Variants in PLBD2 observed in about 807,000 individuals in gnomAD.
PLBD2 encodes phospholipase B domain containing 2.
A neutral mutation model predicts 68.3 loss-of-function variants in PLBD2; 51 were observed. That is an observed-to-expected ratio of 0.75 (90% CI 0.60 to 0.94). The LOEUF (loss-of-function observed/expected upper bound fraction) is 0.94, where lower values mean the gene tolerates loss of function less well. Ranked by LOEUF, PLBD2 falls within the 40% of genes least tolerant of loss-of-function variation. The pLI is 0.00. For missense variants in PLBD2, 729 were observed against 792.2 expected (o/e 0.92, Z 0.96); for synonymous variants, 314 against 339.3 (o/e 0.93, Z 0.82).
Position 113,387,831 on chromosome 12 carries a change from C to T in PLBD2, c.1527C>T (p.Ser509=), listed in dbSNP as rs375994670. ...GGGAGAATGCTATCTCCGCCCGCTC[C>T]GACCTCAACCCGGCCAATGGCTCCT... is the stretch of plus-strand genomic sequence containing the variant. ...PNGENAISAR[S]DLNPANGSYP... The change falls in exon 11 of 12, where the codon TCC becomes TCT. Residue 509 remains serine (S), a synonymous_variant. Transcript: ENST00000280800. The T allele has an allele frequency of 1.4e-5, 23 of 1,614,096 alleles. No homozygotes were observed. The highest frequency in any genetic ancestry group is 1.6e-4 in the Middle Eastern group (1 of 6,084).
At chr12:113,388,345 A>T in intron 11 of PLBD2, 114 bp from the exon 12 acceptor site, 1 of 1,123,070 alleles carries the variant, frequency 8.9e-7, no homozygotes, top group Non-Finnish European at 1.2e-6. Flanking sequence ...TCAAAAAAAA[A>T]AAAAGTGACA....
In PLBD2 at chr12:113,374,879, G is replaced by A. The variant is rs1035857446; in HGVS notation, c.731G>A (p.Cys244Tyr). The A allele has an allele frequency of 3.1e-6, 5 of 1,613,902 alleles. No homozygotes were observed. The African/African-American group carries it at 4.0e-5, about 13-fold the overall frequency. The change falls in exon 5 of 12, where the codon TGT becomes TAT. Residue 244 changes from cysteine to tyrosine, a missense_variant. Physicochemically the swap from Cys to Tyr is radical, Grantham distance 194. Transcript: ENST00000280800. ...AAACCTTCTCTGGGCTCTGGCTCCTGTTCTGCCCTCATCAAGCTGCTCCCT... is the reference window on the plus strand; with the variant it reads ...AAACCTTCTCTGGGCTCTGGCTCCTATTCTGCCCTCATCAAGCTGCTCCCT... ...KIKPSLGSGSCSALIKLLPGQ... is the reference protein window; with the variant it reads ...KIKPSLGSGSYSALIKLLPGQ...
chr12:113,382,835 T>TTTTGTGTGTGTGTGTGTGTG (rs1335785271), intron 6 of PLBD2, among the ~76,000 whole-genome samples: 5 of 106,610 alleles, frequency 4.7e-5, no homozygotes, highest in African/African-American at 1.5e-4. Context: ...TGGTGGTTTT[T>TTTTGTGTGTGTGTGTGTGTG]TGTGTGTGTG....
In PLBD2 at chr12:113,372,581, T is replaced by TG. The variant is rs1957398392; in HGVS notation, c.385-62dup. The stretch of plus-strand genomic sequence containing the variant: ...AGCCTCCGCTCTGGGGCAGCCTGGG[T>TG]GGGGGGCTCTCAGGGAAGAGAGCAC... On this transcript the variant is annotated intron_variant, in intron 2 of 11. Transcript: ENST00000280800. This position sits in a 1 kb window ranked among gnomAD's most constrained non-coding sequence, Gnocchi z 4.2. 4 of 1,540,788 alleles carry TG rather than the reference T, an allele frequency of 2.6e-6. No homozygotes were observed. Among genetic ancestry groups the TG allele is most frequent in the South Asian group, 2.4e-5 (2 of 84,630 alleles).
chr12:113,369,006 C>T (rs1957364679), intron 1 of PLBD2, 110 bp from the exon 2 acceptor site: 4 of 647,566 alleles, frequency 6.2e-6, no homozygotes, highest in South Asian at 2.1e-5. Flanking sequence ...CAGACATTCA[C>T]GTGCACGTCT....
rs1350695200 is a variant in PLBD2 at position 113,390,902 on chromosome 12, CGTCCATCCACCT to C, written c.*2277_*2288del. On this transcript the variant is annotated 3_prime_UTR_variant, in exon 12 of 12. Transcript: ENST00000280800. ...CCATTCATCCATCCACCCACCCACC[CGTCCATCCACCT>C]ACCTATTCATTTATCACCCATCCAT... The C allele has an allele frequency of 1.3e-5, 2 of 152,160 alleles. No homozygotes were observed. Among genetic ancestry groups the C allele is most frequent in the African/African-American group, 4.8e-5 (2 of 41,444 alleles). The allele number at this position is 152,160 out of a possible 1,614,324, so 9.4% of individuals were successfully genotyped here.
chr12:113,388,777 G>C lies in PLBD2; in HGVS notation c.*151G>C. On this transcript the variant is annotated 3_prime_UTR_variant, in exon 12 of 12. Transcript: ENST00000280800. ...GTCATCTCCTCCTAGAGTGGGTCACGAACCTGATGGGGCTCAGAACTGACC... is the reference window on the plus strand; with the variant it reads ...GTCATCTCCTCCTAGAGTGGGTCACCAACCTGATGGGGCTCAGAACTGACC... 2.4e-6 allele frequency: 2 copies of C among 818,102 alleles called. No homozygotes were observed. 50.7% of individuals were successfully genotyped at this position (818,102 alleles called of 1,614,324 possible). A position where few individuals can be genotyped will look rare whatever the true frequency, so the allele number is the denominator to read the frequency against.
At position 113,384,015 on chromosome 12, in the gene PLBD2, A is replaced by C; in HGVS notation, c.958-90A>C. Reference sequence around the variant, plus strand: ...CTATCTCAAAAAAAAAAAAAAAAAAAAAAAATTTTTGGAGCCATGACTGAT... The same window carrying C: ...CTATCTCAAAAAAAAAAAAAAAAAACAAAAATTTTTGGAGCCATGACTGAT... On this transcript the variant is annotated intron_variant, in intron 6 of 11. Coordinates refer to ENST00000280800, the MANE Select transcript of PLBD2 (RefSeq NM_173542.4). The surrounding 1 kb of genome is among the most constrained non-coding windows in gnomAD (Gnocchi z 4.2). 8.5e-7 allele frequency: 1 copy of C among 1,182,056 alleles called. No individual in the cohort carries two copies. The highest frequency in any genetic ancestry group is 2.4e-5 in the South Asian group (1 of 40,854). The allele number at this position is 1,182,056 out of a possible 1,614,324, so 73.2% of individuals were successfully genotyped here.
chr12:113,358,868 A>C lies in PLBD2; in HGVS notation c.268A>C (p.Thr90Pro). The change falls in exon 1 of 12, where the codon ACC becomes CCC. Residue 90 changes from threonine to proline, a missense_variant. By Grantham distance (38) the Thr-to-Pro change is conservative (BLOSUM62 -1). Transcript: ENST00000280800. ...TGACGCCGTGGCCTGGGCCAACCTC[A>C]CCAACGCCATCCGCGAGACTGGGTA... The part of the protein sequence containing the change: ...HPDAVAWANL[T>P]NAIRETGWAF... 6.6e-7 allele frequency: 1 copy of C among 1,525,736 alleles called. No individual in the cohort carries two copies. Among genetic ancestry groups the C allele is most frequent in the African/African-American group, 1.4e-5 (1 of 69,840 alleles). The allele number at this position is 1,525,736 out of a possible 1,614,324, so 94.5% of individuals were successfully genotyped here.
At chr12:113,363,735 C>T (rs1481896320) in intron 1 of PLBD2, among the ~76,000 whole-genome samples, 2 of 152,032 alleles carry the variant, frequency 1.3e-5, no homozygotes, top group African/African-American at 4.8e-5. Context: ...GACGGGGTTT[C>T]ACCATGTTAG....
intron 3 of PLBD2, among the ~76,000 whole-genome samples, chr12:113,373,977 C>T (rs886257212): frequency 6.6e-6 from 1 of 151,768 alleles, no homozygotes; most frequent in Non-Finnish European, 1.5e-5. Context: ...AACAACCCAC[C>T]CATCCATCTT....
At position 113,372,699 on chromosome 12, in the gene PLBD2, C is replaced by T. The variant is rs759430837; in HGVS notation, c.435C>T (p.Phe145=). The T allele has an allele frequency of 2.2e-5, 35 of 1,613,880 alleles. No individual in the cohort carries two copies. Among genetic ancestry groups the T allele is most frequent in the African/African-American group, 2.7e-5 (2 of 74,942 alleles). Residue 145 remains phenylalanine (F), a synonymous_variant, in exon 3 of 12, where the codon TTC becomes TTT. Coordinates refer to ENST00000280800, the MANE Select transcript of PLBD2 (RefSeq NM_173542.4). The surrounding 1 kb of genome is among the most constrained non-coding windows in gnomAD (Gnocchi z 4.2). The part of the protein sequence containing the change: ...MNTVVNYCGP[F]EYEVGYCERL... ...CGGTGGTGAATTACTGCGGCCCCTT[C>T]GAGTATGAAGTCGGCTACTGCGAGA...
Position 113,377,587 on chromosome 12 carries a change from A to G in PLBD2, c.859+2580A>G, listed in dbSNP as rs185795676. ...ATTACAGGCACACACCACCACACCC[A>G]GCTAATTTTTGTATTTTCCGTAGAA... On this transcript the variant is annotated intron_variant, in intron 5 of 11. Transcript: ENST00000280800. 9.3e-3 allele frequency among the ~76,000 whole-genome samples: 1,410 copies of G among 152,178 alleles called. 9 individuals are homozygous for G. The highest frequency in any genetic ancestry group is 0.018 in the South Asian group (88 of 4,822).
Position 113,391,330 on chromosome 12 carries a change from T to A in PLBD2, c.*2704T>A, listed in dbSNP as rs1232311229. On this transcript the variant is annotated 3_prime_UTR_variant, in exon 12 of 12. Coordinates refer to ENST00000280800, the MANE Select transcript of PLBD2 (RefSeq NM_173542.4). ...TCCTCTCTGAGCCTCGATTACCTCATCTGTGAAATGGGGTAATGGTGTGAG... is the reference window on the plus strand; with the variant it reads ...TCCTCTCTGAGCCTCGATTACCTCAACTGTGAAATGGGGTAATGGTGTGAG... The A allele has an allele frequency of 6.6e-6, 1 of 152,220 alleles. No individual in the cohort carries two copies. Among genetic ancestry groups the A allele is most frequent in the African/African-American group, 2.4e-5 (1 of 41,462 alleles). 9.4% of individuals were successfully genotyped at this position (152,220 alleles called of 1,614,324 possible).
intron 1 of PLBD2, among the ~76,000 whole-genome samples, chr12:113,366,922 C>T (rs1045696013): frequency 1.3e-5 from 2 of 151,790 alleles, no homozygotes; most frequent in African/African-American, 2.4e-5. Flanking sequence ...CCAGTTCAAG[C>T]GATTCTCCTG....
Position 113,385,123 on chromosome 12 carries a change from G to A in PLBD2, c.1215-89G>A, listed in dbSNP as rs1022703650. 1.4e-5 allele frequency: 20 copies of A among 1,442,174 alleles called. No individual in the cohort carries two copies. The East Asian group carries it at 2.3e-4, about 17-fold the overall frequency. The allele number at this position is 1,442,174 out of a possible 1,614,324, so 89.3% of individuals were successfully genotyped here. A position where few individuals can be genotyped will look rare whatever the true frequency, so the allele number is the denominator to read the frequency against. On this transcript the variant is annotated intron_variant, in intron 8 of 11. Transcript: ENST00000280800. ...GGACTTAATCCATCCTCCAGGCAAT[G>A]GGGAGCCATCGGGGCTCCCCGAGCA...
chr12:113,371,682 A>G (rs1957390115), intron 2 of PLBD2, among the ~76,000 whole-genome samples: 1 of 152,240 alleles, frequency 6.6e-6, no homozygotes, highest in Non-Finnish European at 1.5e-5. Context: ...CTTTGCCCAC[A>G]AAGTCTCACT....
At chr12:113,366,401 G>T (rs1957342426) in intron 1 of PLBD2, among the ~76,000 whole-genome samples, 1 of 142,370 alleles carries the variant, frequency 7.0e-6, no homozygotes, top group Non-Finnish European at 1.6e-5. Flanking sequence ...GGAAAAGATT[G>T]ATCTGGTTAC....
rs376923426 is a variant in PLBD2, at chr12:113,358,880, C to A, written c.280C>A (p.Arg94Ser). The change falls in exon 1 of 12, where the codon CGC becomes AGC. Residue 94 changes from arginine to serine, a missense_variant. Physicochemically the swap from Arg to Ser is moderately radical, Grantham distance 110. Coordinates refer to ENST00000280800, the MANE Select transcript of PLBD2 (RefSeq NM_173542.4). ...VAWANLTNAI[R>S]ETGWAFLELG... ...CTGGGCCAACCTCACCAACGCCATCCGCGAGACTGGGTAAGGGTTGGCTTA... is the reference window on the plus strand; with the variant it reads ...CTGGGCCAACCTCACCAACGCCATCAGCGAGACTGGGTAAGGGTTGGCTTA... The A allele has an allele frequency of 4.1e-5, 63 of 1,525,220 alleles. No individual in the cohort carries two copies. The highest frequency in any genetic ancestry group is 5.4e-5 in the Non-Finnish European group (62 of 1,138,964). The allele number at this position is 1,525,220 out of a possible 1,614,324, so 94.5% of individuals were successfully genotyped here.
Sources: gnomAD v4.1 joint callset for allele counts (sites outside exome capture counted in the v4.1 genomes callset) on GRCh38, gnomAD v4.1.1 for gene constraint, Gnocchi (gnomAD v3.1) non-coding constraint, MANE v1.5 for transcripts, NCBI Gene and HGNC (gene_info 2026-07-23, HGNC 2026-07-21) for gene names.